Variants in DCC observed in about 807,000 individuals in gnomAD.
DCC encodes DCC netrin 1 receptor.
DCC carries 58 observed loss-of-function variants against 172.5 expected under a neutral mutation model. That is an observed-to-expected ratio of 0.34 (90% CI 0.27 to 0.42). The LOEUF is 0.42. DCC is among the 10% of genes least tolerant of loss of function. The probability of loss-of-function intolerance (pLI) is 1.00; values close to 1 mark genes in which losing one functional copy is unlikely to be tolerated. For missense variants in DCC, 1,740 were observed against 1,791.0 expected (o/e 0.97, Z 0.51); for synonymous variants, 709 against 644.5 (o/e 1.10, Z -1.52).
At chr18:53,469,478 ATTC>A (rs1187416396) in intron 25 of DCC, among the ~76,000 whole-genome samples, 1 of 152,096 alleles carries the variant, frequency 6.6e-6, no homozygotes, top group Non-Finnish European at 1.5e-5. Context: ...ATCTTTCCCT[ATTC>A]TTAGCTAATA....
At chr18:53,239,049 T>TGGGGGGA (rs1256315329) in intron 12 of DCC, among the ~76,000 whole-genome samples, 1 of 9,684 alleles carries the variant, frequency 1.0e-4, no homozygotes, top group Non-Finnish European at 2.0e-4. Flanking sequence ...TGTTGTGGAG[T>TGGGGGGA]GGGGGGAGGG....
At chr18:52,640,930 A>G (rs2034878135) in intron 1 of DCC, among the ~76,000 whole-genome samples, 1 of 152,196 alleles carries the variant, frequency 6.6e-6, no homozygotes, top group Non-Finnish European at 1.5e-5. Context: ...CAAAAAGAAC[A>G]AAACTGGAGA....
At chr18:52,810,871 C>T (rs1328732777) in intron 2 of DCC, among the ~76,000 whole-genome samples, 1 of 152,158 alleles carries the variant, frequency 6.6e-6, no homozygotes, top group Non-Finnish European at 1.5e-5. Flanking sequence ...TAGGGTTTCA[C>T]TGGGGGCCCA....
chr18:53,420,762 G>C (rs1289694333), intron 21 of DCC, among the ~76,000 whole-genome samples: 1 of 152,146 alleles, frequency 6.6e-6, no homozygotes, highest in Non-Finnish European at 1.5e-5. Flanking sequence ...TTGGGGGTTA[G>C]AGATTCAATA....
At chr18:53,445,430 T>TTGA (rs1233962804) in intron 22 of DCC, among the ~76,000 whole-genome samples, 1 of 152,230 alleles carries the variant, frequency 6.6e-6, no homozygotes, top group Non-Finnish European at 1.5e-5. Flanking sequence ...TGTTTGCCTA[T>TTGA]TGATATTGTG....
At chr18:53,066,252 C>A in intron 7 of DCC, 86 bp downstream of exon 7, 1 of 1,307,930 alleles carries the variant, frequency 7.6e-7, no homozygotes, top group Non-Finnish European at 1.1e-6. Flanking sequence ...TTTCCTACCC[C>A]TCAAGGGCAA....
chr18:52,370,435 C>T (rs1055470241), intron 1 of DCC, among the ~76,000 whole-genome samples: 1 of 152,016 alleles, frequency 6.6e-6, no homozygotes, highest in African/African-American at 2.4e-5. Context: ...GAGCTGGAAG[C>T]CATTATCCTC....
At chr18:53,287,887 T>A (rs966066859) in intron 12 of DCC, among the ~76,000 whole-genome samples, 3 of 152,196 alleles carry the variant, frequency 2.0e-5, no homozygotes, top group South Asian at 2.1e-4. Flanking sequence ...AATCCATATT[T>A]TGAGGTCACT....
intron 2 of DCC, among the ~76,000 whole-genome samples, chr18:52,782,904 C>A (rs1456838992): frequency 6.6e-6 from 1 of 152,080 alleles, no homozygotes; most frequent in South Asian, 2.1e-4. Flanking sequence ...AAATGGGTGG[C>A]AGATTTGCCC....
At position 53,524,664 on chromosome 18, in the gene DCC, TA is replaced by T. The variant is rs538395027; in HGVS notation, c.4112-1947del. ...CCAAGTCAGTTATGAGAAACAATGA[TA>T]AAAAATGAGCTTTTATCCCCAGATT... On this transcript the variant is annotated intron_variant, in intron 27 of 28. Transcript: ENST00000442544. Among the ~76,000 whole-genome samples the T allele has an allele frequency of 7.9e-5, 12 of 152,124 alleles. No homozygotes were observed. The South Asian group carries it at 2.5e-3, about 31-fold the overall frequency.
At chr18:52,542,252 A>G (rs1476099546) in intron 1 of DCC, among the ~76,000 whole-genome samples, 1 of 151,798 alleles carries the variant, frequency 6.6e-6, no homozygotes, top group Non-Finnish European at 1.5e-5. Flanking sequence ...AATAGTAGCC[A>G]CTCGAAAAAT....
At chr18:53,087,496 A>AT (rs1169416623) in intron 7 of DCC, among the ~76,000 whole-genome samples, 1 of 151,316 alleles carries the variant, frequency 6.6e-6, no homozygotes. Context: ...TAGATTCTGG[A>AT]TATTAGCCCT....
chr18:53,139,049 G>A (rs1319964650), intron 7 of DCC, among the ~76,000 whole-genome samples: 1 of 152,074 alleles, frequency 6.6e-6, no homozygotes, highest in Non-Finnish European at 1.5e-5. Flanking sequence ...GTGACCTTGG[G>A]TGTACTTCTG....
At position 53,275,550 on chromosome 18, in the gene DCC, AAC is replaced by A. The variant is rs142932480; in HGVS notation, c.1912-30024_1912-30023del. 1.6e-3 allele frequency among the ~76,000 whole-genome samples: 240 copies of A among 152,258 alleles called. 1 individual carries two copies. The highest frequency in any genetic ancestry group is 5.5e-3 in the African/African-American group (228 of 41,566). On this transcript the variant is annotated intron_variant, in intron 12 of 28. Transcript: ENST00000442544. ...CCTTTAGTTCACTGTATTACAGTATAACACAGAAAAATTGGAACAAAAACTTT... is the reference window on the plus strand; with the variant it reads ...CCTTTAGTTCACTGTATTACAGTATAACAGAAAAATTGGAACAAAAACTTT...
chr18:53,103,690 A>C (rs2043205773), intron 7 of DCC, among the ~76,000 whole-genome samples: 1 of 152,120 alleles, frequency 6.6e-6, no homozygotes, highest in African/African-American at 2.4e-5. Context: ...TGATCCTTTT[A>C]GGATTATTGT....
chr18:52,951,210 A>G, intron 5 of DCC, among the ~76,000 whole-genome samples: 1 of 152,118 alleles, frequency 6.6e-6, no homozygotes, highest in East Asian at 1.9e-4. Flanking sequence ...CTATTTTCAG[A>G]GTTCTAGTCC....
At chr18:53,469,504 G>A (rs1243173704) in intron 25 of DCC, among the ~76,000 whole-genome samples, 2 of 151,950 alleles carry the variant, frequency 1.3e-5, no homozygotes, top group South Asian at 2.1e-4. Context: ...CTTATATCAG[G>A]AAGAAAAGAA....
At chr18:52,863,472 C>T (rs1403449536) in intron 2 of DCC, among the ~76,000 whole-genome samples, 1 of 151,660 alleles carries the variant, frequency 6.6e-6, no homozygotes, top group Non-Finnish European at 1.5e-5. Flanking sequence ...ACTAGCAGAC[C>T]TACATAACTT....
chr18:52,999,427 C>A (rs2143837173), intron 5 of DCC, among the ~76,000 whole-genome samples: 1 of 152,102 alleles, frequency 6.6e-6, no homozygotes, highest in Non-Finnish European at 1.5e-5. Context: ...GATTTGTGCA[C>A]CCTTTCCTGT....
Sources: allele counts gnomAD v4.1 joint callset (sites outside exome capture counted in the v4.1 genomes callset), GRCh38; gene constraint gnomAD v4.1.1; transcripts MANE v1.5; gene names NCBI Gene and HGNC (gene_info 2026-07-23, HGNC 2026-07-21).